Variants in ARID1A observed in about 807,000 individuals in gnomAD.
ARID1A encodes the protein AT-rich interactive domain-containing protein 1A.
A neutral mutation model predicts 212.6 loss-of-function variants in ARID1A; 20 were observed. That is an observed-to-expected ratio of 0.09 (90% CI 0.07 to 0.14). ARID1A has a LOEUF of 0.14. Ranked by LOEUF, ARID1A falls within the 10% of genes least tolerant of loss-of-function variation. The pLI, the probability that ARID1A is intolerant of heterozygous loss-of-function variation, is 1.00. For missense variants in ARID1A, 2,587 were observed against 3,059.0 expected (o/e 0.85, Z 3.64); for synonymous variants, 1,376 against 1,222.1 (o/e 1.13, Z -2.63).
In ARID1A at chr1:26,696,268, C is replaced by T. The variant is rs2080249979; in HGVS notation, c.-136C>T. The T allele has an allele frequency of 9.5e-7, 1 of 1,057,322 alleles. No homozygotes were observed. Among genetic ancestry groups the T allele is most frequent in the Non-Finnish European group, 1.2e-6 (1 of 846,812 alleles). The allele number at this position is 1,057,322 out of a possible 1,614,324, so 65.5% of individuals were successfully genotyped here. The stretch of plus-strand genomic sequence containing the variant: ...GGGGGGGAGAGGAGCGAGCGCAGCG[C>T]AGCAGCGGAGCCCCGCGAGGCCCGC... On this transcript the variant is annotated 5_prime_UTR_variant, in exon 1 of 20. Transcript: ENST00000324856.
rs2080281812 is a variant in ARID1A, at chr1:26,697,417, G to A, written c.1014G>A (p.Gly338=). The A allele has an allele frequency of 1.5e-6, 2 of 1,350,952 alleles. No homozygotes were observed. 83.7% of individuals were successfully genotyped at this position (1,350,952 alleles called of 1,614,324 possible). ...GPADMASQCW[G]AAAAAAAAAA... is the part of the protein sequence containing the mutation. ...CGGACATGGCCTCGCAGTGTTGGGGGGCTGCGGCGGCGGCAGCTGCGGCGG... is the reference window on the plus strand; with the variant it reads ...CGGACATGGCCTCGCAGTGTTGGGGAGCTGCGGCGGCGGCAGCTGCGGCGG... Residue 338 remains glycine (G), a synonymous_variant, in exon 1 of 20, where the codon GGG becomes GGA. Transcript: ENST00000324856.
At chr1:26,744,293 T>C (rs1057224154) in intron 4 of ARID1A, among the ~76,000 whole-genome samples, 1 of 152,224 alleles carries the variant, frequency 6.6e-6, no homozygotes, top group Admixed American at 6.5e-5. Flanking sequence ...GCCCATTTCC[T>C]GTTTCTATTC....
chr1:26,775,279 T>TCAC (rs2081124693), intron 18 of ARID1A, 59 bp downstream of exon 18: 1 of 1,515,050 alleles, frequency 6.6e-7, no homozygotes, highest in Middle Eastern at 2.0e-4. Context: ...TGTCCATTGT[T>TCAC]CCCTCCACCT....
chr1:26,721,319 C>A (rs143764208), intron 1 of ARID1A, among the ~76,000 whole-genome samples: 1 of 152,180 alleles, frequency 6.6e-6, no homozygotes, highest in Non-Finnish European at 1.5e-5. Flanking sequence ...TCAAGTGATT[C>A]TCCTGCCTCA....
chr1:26,780,885 T>A lies in ARID1A; in HGVS notation c.*129T>A, dbSNP rs1462893445. ...TACCCTGTGCTGTCCAGCTTCTCCC[T>A]TGGGAAAAAGTCTCTCCTGTTTCTC... is the stretch of plus-strand genomic sequence containing the variant. On this transcript the variant is annotated 3_prime_UTR_variant, in exon 20 of 20. Coordinates refer to ENST00000324856, the MANE Select transcript of ARID1A (RefSeq NM_006015.6). The surrounding 1 kb of genome is among the most constrained non-coding windows in gnomAD (Gnocchi z 7.2). 4 of 1,343,642 alleles carry A rather than the reference T, an allele frequency of 3.0e-6. No homozygotes were observed. The highest frequency in any genetic ancestry group is 1.5e-5 in the African/African-American group (1 of 68,274). The allele number at this position is 1,343,642 out of a possible 1,614,324, so 83.2% of individuals were successfully genotyped here.
rs775218476 is a variant in ARID1A, at chr1:26,731,568, A to C, written c.1767A>C (p.Gln589His). ...AGCCCCAGTCTCAGCAGTCCCAGCA[A>C]ACTGCCTATTCCCAGCAGCGCTTCC... ...YPQPQSQQSQ[Q>H]TAYSQQRFPP... Residue 589 changes from glutamine (Q) to histidine (H), a missense_variant, in exon 3 of 20, where the codon CAA (glutamine) becomes CAC (histidine). Coordinates refer to ENST00000324856, the MANE Select transcript of ARID1A (RefSeq NM_006015.6). 6.2e-7 allele frequency: 1 copy of C among 1,614,090 alleles called. No homozygotes were observed. The highest frequency in any genetic ancestry group is 1.1e-5 in the South Asian group (1 of 91,078).
intron 1 of ARID1A, among the ~76,000 whole-genome samples, chr1:26,701,493 G>C (rs2080331559): frequency 1.3e-5 from 2 of 152,204 alleles, no homozygotes; most frequent in Non-Finnish European, 2.9e-5. Context: ...ACTCACAACA[G>C]GAGGAGGAAG....
intron 4 of ARID1A, among the ~76,000 whole-genome samples, chr1:26,757,724 G>C (rs565693296): frequency 8.6e-5 from 13 of 151,654 alleles, no homozygotes; most frequent in African/African-American, 3.1e-4. Flanking sequence ...CTGGAATGCA[G>C]TGGTGCTATC....
chr1:26,696,314 G>C lies in ARID1A; in HGVS notation c.-90G>C. ...CCCGCCCGGGCGGGTGGGGAGGGCAGCCCGGGGGACTGGGCCCCGGGGCGG... is the reference window on the plus strand; with the variant it reads ...CCCGCCCGGGCGGGTGGGGAGGGCACCCCGGGGGACTGGGCCCCGGGGCGG... On this transcript the variant is annotated 5_prime_UTR_variant, in exon 1 of 20. Transcript: ENST00000324856. 1 of 1,155,198 alleles carries C rather than the reference G, an allele frequency of 8.7e-7. No homozygotes were observed. The highest frequency in any genetic ancestry group is 1.1e-6 in the Non-Finnish European group (1 of 943,266). The allele number at this position is 1,155,198 out of a possible 1,614,324, so 71.6% of individuals were successfully genotyped here.
chr1:26,737,168 T>G (rs533722598), intron 4 of ARID1A, among the ~76,000 whole-genome samples: 1 of 151,820 alleles, frequency 6.6e-6, no homozygotes, highest in South Asian at 2.1e-4. Context: ...CAGGCTGGAG[T>G]GTAGTGGTTT....
chr1:26,731,067 C>A (rs1009635459), intron 2 of ARID1A, 85 bp from the exon 3 acceptor site: 4 of 1,374,558 alleles, frequency 2.9e-6, no homozygotes, highest in Admixed American at 1.7e-5. Context: ...CTATACTCAT[C>A]ATCAGTGCAT....
chr1:26,765,321 C>T (rs544476299), intron 8 of ARID1A: 4 of 152,006 alleles, frequency 2.6e-5, no homozygotes, highest in Admixed American at 2.6e-4. Context: ...CCTGTCTCTA[C>T]TAATAAAGTA....
intron 1 of ARID1A, among the ~76,000 whole-genome samples, chr1:26,709,907 C>T (rs1557579551): frequency 6.6e-6 from 1 of 151,364 alleles, no homozygotes; most frequent in Non-Finnish European, 1.5e-5. Flanking sequence ...ATCTAGCTCA[C>T]TGCAACCTCC....
At chr1:26,707,581 G>A (rs1254562612) in intron 1 of ARID1A, among the ~76,000 whole-genome samples, 1 of 152,122 alleles carries the variant, frequency 6.6e-6, no homozygotes, top group Non-Finnish European at 1.5e-5. Flanking sequence ...GACCTCAGGT[G>A]ATCCGCCGGC....
At chr1:26,766,611 T>C in intron 10 of ARID1A, 45 bp downstream of exon 10, 1 of 1,517,214 alleles carries the variant, frequency 6.6e-7, no homozygotes, top group Non-Finnish European at 9.0e-7. Flanking sequence ...TGTCCTATCT[T>C]TTTCAGTGAT....
intron 1 of ARID1A, 30 bp downstream of exon 1, chr1:26,697,570 G>A (rs1220293481): frequency 7.7e-7 from 1 of 1,300,898 alleles, no homozygotes; most frequent in Non-Finnish European, 9.7e-7. Flanking sequence ...GGGGGCTGGG[G>A]CGAGCGTGGT....
At chr1:26,765,186 T>TC (rs1249298543) in intron 8 of ARID1A, 1 of 145,460 alleles carries the variant, frequency 6.9e-6, no homozygotes, top group Non-Finnish European at 1.5e-5. Context: ...TGAGTGAAAC[T>TC]CCATCTCAAA....
intron 4 of ARID1A, among the ~76,000 whole-genome samples, chr1:26,740,961 T>C (rs987778474): frequency 6.6e-5 from 10 of 152,242 alleles, no homozygotes; most frequent in African/African-American, 2.2e-4. Context: ...AAATTCCATA[T>C]TTATTTTGTG....
At chr1:26,711,103 T>G (rs1013566614) in intron 1 of ARID1A, among the ~76,000 whole-genome samples, 3 of 151,732 alleles carry the variant, frequency 2.0e-5, no homozygotes, top group Admixed American at 6.6e-5. Context: ...TAGCCTCTTA[T>G]GTCTCTTGCT....
Sources: allele counts gnomAD v4.1 joint callset (sites outside exome capture counted in the v4.1 genomes callset), GRCh38; gene constraint gnomAD v4.1.1; non-coding constraint Gnocchi (gnomAD v3.1); transcripts MANE v1.5; gene names NCBI Gene and HGNC (gene_info 2026-07-23, HGNC 2026-07-21).